Variants in DEGS1 observed in about 807,000 individuals in gnomAD.
DEGS1 encodes delta 4-desaturase, sphingolipid 1.
DEGS1 carries 17 observed loss-of-function variants against 24.1 expected under a neutral mutation model. That is an observed-to-expected ratio of 0.70 (90% CI 0.48 to 1.06). The LOEUF (loss-of-function observed/expected upper bound fraction) is 1.06. Ranked by LOEUF, DEGS1 falls within the 50% of genes least tolerant of loss-of-function variation. DEGS1 has a pLI of 0.00. For synonymous variants in DEGS1, 134 were observed against 140.0 expected, an observed-to-expected ratio of 0.96 and a Z score of 0.30; for missense variants, 366 against 408.9, an observed-to-expected ratio of 0.90 and a Z score of 0.91.
rs1658570650 is a variant in DEGS1 at position 224,192,568 on chromosome 1, A to G, written c.*90A>G. On this transcript the variant is annotated 3_prime_UTR_variant, in exon 3 of 3. Transcript: ENST00000323699. ...ATTAAACTTGAGACCAGTGATGCTC[A>G]GAAGCTCCCCTGGCACAATTTCAGA... is the stretch of plus-strand genomic sequence containing the variant. 3 of 1,281,190 alleles carry G rather than the reference A, an allele frequency of 2.3e-6. No homozygotes were observed. The African/African-American group carries it at 4.6e-5, about 19-fold the overall frequency. The allele number at this position is 1,281,190 out of a possible 1,614,324, so 79.4% of individuals were successfully genotyped here. A position where few individuals can be genotyped will look rare whatever the true frequency, so the allele number is the denominator to read the frequency against.
At chr1:224,192,193 T>C (rs892859108) in intron 2 of DEGS1, 139 bp from the exon 3 acceptor site, 2 of 359,802 alleles carry the variant, frequency 5.6e-6, no homozygotes, top group Non-Finnish European at 9.2e-6. Context: ...TGCTGCTGCT[T>C]TTTTTTTTTT....
chr1:224,184,034 G>C (rs1430987772), intron 1 of DEGS1, among the ~76,000 whole-genome samples: 1 of 152,382 alleles, frequency 6.6e-6, no homozygotes, highest in South Asian at 2.1e-4. Context: ...GACTTGATGG[G>C]CCCTGGTCGG....
At position 224,189,899 on chromosome 1, in the gene DEGS1, T is replaced by C. The variant is rs745516256; in HGVS notation, c.405T>C (p.Leu135=). The C allele has an allele frequency of 3.1e-6, 5 of 1,614,214 alleles. No individual in the cohort carries two copies. The highest frequency in any genetic ancestry group is 4.2e-6 in the Non-Finnish European group (5 of 1,180,042). Reference sequence around the variant, plus strand: ...ATCACATGGATCATCATCGGTACCTTGGAGCTGATGGCGTCGATGTAGATA... The same window carrying C: ...ATCACATGGATCATCATCGGTACCTCGGAGCTGATGGCGTCGATGTAGATA... ...KRYHMDHHRY[L]GADGVDVDIP... Residue 135 remains leucine (L), a synonymous_variant, in exon 2 of 3, where the codon CTT becomes CTC. Transcript: ENST00000323699.
chr1:224,183,433 G>T lies in DEGS1; in HGVS notation c.82+15G>T. 1.4e-6 allele frequency: 2 copies of T among 1,385,306 alleles called. No individual in the cohort carries two copies. The highest frequency in any genetic ancestry group is 4.2e-4 in the Middle Eastern group (2 of 4,754). 85.8% of individuals were successfully genotyped at this position (1,385,306 alleles called of 1,614,324 possible). On this transcript the variant is annotated intron_variant, in intron 1 of 2. Coordinates refer to ENST00000323699, the MANE Select transcript of DEGS1 (RefSeq NM_003676.4). The stretch of plus-strand genomic sequence containing the variant: ...GGAGATCCTGGGTGAGGGCCAGCGG[G>T]CGCCCCGTTATGTGCGTGCGTGGCC...
intron 1 of DEGS1, 23 bp from the exon 2 acceptor site, chr1:224,189,554 G>GT (rs747318192): frequency 1.2e-5 from 18 of 1,531,162 alleles, no homozygotes; most frequent in African/African-American, 1.4e-5. Flanking sequence ...CTTAGTTCCT[G>GT]TTTTTTTGTT....
chr1:224,187,028 G>A (rs1228884274), intron 1 of DEGS1, among the ~76,000 whole-genome samples: 1 of 152,198 alleles, frequency 6.6e-6, no homozygotes, highest in Non-Finnish European at 1.5e-5. Flanking sequence ...GTGAGGATGA[G>A]CTGGGCTGGG....
intron 1 of DEGS1, among the ~76,000 whole-genome samples, chr1:224,188,941 T>C (rs1213461189): frequency 3.3e-5 from 5 of 152,232 alleles, no homozygotes; most frequent in Admixed American, 6.5e-5. Context: ...ATAATTTTCT[T>C]ATAAATTTGG....
At chr1:224,191,806 A>C (rs1658543068) in intron 2 of DEGS1, among the ~76,000 whole-genome samples, 1 of 151,978 alleles carries the variant, frequency 6.6e-6, no homozygotes, top group Non-Finnish European at 1.5e-5. Flanking sequence ...CATATTGGTT[A>C]GGCTGGTCTC....
rs369825210 is a variant in DEGS1 at position 224,190,043 on chromosome 1, G to C, written c.549G>C (p.Thr183=). ...RPLFINPKPI[T]YLEVINTVAQ... ...TGTTCATCAACCCCAAACCAATTAC[G>C]TATCTGGAAGTTATCAATACCGTGG... Residue 183 remains threonine (T), a synonymous_variant, in exon 2 of 3, where the codon ACG becomes ACC. Coordinates refer to ENST00000323699, the MANE Select transcript of DEGS1 (RefSeq NM_003676.4). The C allele has an allele frequency of 4.3e-6, 7 of 1,613,964 alleles. No individual in the cohort carries two copies. Among genetic ancestry groups the C allele is most frequent in the Non-Finnish European group, 5.9e-6 (7 of 1,180,014 alleles).
chr1:224,183,479 C>A lies in DEGS1; in HGVS notation c.82+61C>A, dbSNP rs569564749. 45 of 1,232,224 alleles carry A rather than the reference C, an allele frequency of 3.7e-5. 1 individual carries two copies. In the South Asian group the frequency reaches 1.3e-3, roughly 35 times the overall value. 76.3% of individuals were successfully genotyped at this position (1,232,224 alleles called of 1,614,324 possible). ...TGGCCTCCCGGCGCCGGGGCGCGCTCTCCCCTCGCGGGCCCTGCGCGGTCG... is the reference window on the plus strand; with the variant it reads ...TGGCCTCCCGGCGCCGGGGCGCGCTATCCCCTCGCGGGCCCTGCGCGGTCG... On this transcript the variant is annotated intron_variant, in intron 1 of 2. Transcript: ENST00000323699.
At chr1:224,188,922 CAG>C (rs1379417448) in intron 1 of DEGS1, among the ~76,000 whole-genome samples, 1 of 152,052 alleles carries the variant, frequency 6.6e-6, no homozygotes, top group Admixed American at 6.6e-5. Flanking sequence ...GTTTTCTTAT[CAG>C]AGTTTTATAA....
In DEGS1 at chr1:224,192,919, C is replaced by T. The variant is rs193052126; in HGVS notation, c.*441C>T. The T allele has an allele frequency of 4.4e-3, 721 of 163,876 alleles. 8 individuals are homozygous for T. The highest frequency in any genetic ancestry group is 0.014 in the African/African-American group (595 of 41,570). 10.2% of individuals were successfully genotyped at this position (163,876 alleles called of 1,614,324 possible). A position where few individuals can be genotyped will look rare whatever the true frequency, so the allele number is the denominator to read the frequency against. ...AAATGCAAAAATTAGCCGGGCGTGG[C>T]GGCACATGCCTGTAATCCCAGCTAC... On this transcript the variant is annotated 3_prime_UTR_variant, in exon 3 of 3. Transcript: ENST00000323699.
chr1:224,189,698 G>T lies in DEGS1; in HGVS notation c.204G>T (p.Trp68Cys), dbSNP rs758274568. 1 of 1,614,146 alleles carries T rather than the reference G, an allele frequency of 6.2e-7. No individual in the cohort carries two copies. Among genetic ancestry groups the T allele is most frequent in the East Asian group, 2.2e-5 (1 of 44,888 alleles). The change falls in exon 2 of 3, where the codon TGG (tryptophan) becomes TGT (cysteine). Residue 68 changes from tryptophan to cysteine, a missense_variant. Coordinates refer to ENST00000323699, the MANE Select transcript of DEGS1 (RefSeq NM_003676.4). ...TAGTAAAAGACTTGGACTGGAAATG[G>T]GTCATATTTGGGGCCTATGCGTTTG... The part of the protein sequence containing the change: ...FYIVKDLDWK[W>C]VIFGAYAFGS...
chr1:224,184,863 G>A lies in DEGS1; in HGVS notation c.82+1445G>A, dbSNP rs1407174722. On this transcript the variant is annotated intron_variant, in intron 1 of 2. Transcript: ENST00000323699. ...TGTTGAGGAAACGGGGACCGGTCAC[G>A]GTAGCTCAGGCCTGTAATCCTAGCA... Among the ~76,000 whole-genome samples, 3 of 151,802 alleles carry A rather than the reference G, an allele frequency of 2.0e-5. No individual in the cohort carries two copies. In the East Asian group the frequency reaches 5.9e-4, roughly 30 times the overall value.
Position 224,192,761 on chromosome 1 carries a change from A to T in DEGS1, c.*283A>T, listed in dbSNP as rs1658577094. 3.1e-6 allele frequency: 1 copy of T among 319,834 alleles called. No individual in the cohort carries two copies. The allele number at this position is 319,834 out of a possible 1,614,324, so 19.8% of individuals were successfully genotyped here. A position where few individuals can be genotyped will look rare whatever the true frequency, so the allele number is the denominator to read the frequency against. ...AAGCATATCATTTAAAAAGCTTCTAAAAAGCTATTTCGCCAGGCACGGTGG... is the reference window on the plus strand; with the variant it reads ...AAGCATATCATTTAAAAAGCTTCTATAAAGCTATTTCGCCAGGCACGGTGG... On this transcript the variant is annotated 3_prime_UTR_variant, in exon 3 of 3. Transcript: ENST00000323699.
chr1:224,184,765 C>T (rs2102651922), intron 1 of DEGS1, among the ~76,000 whole-genome samples: 1 of 152,254 alleles, frequency 6.6e-6, no homozygotes, highest in East Asian at 1.9e-4. Flanking sequence ...ATCCGCCCGC[C>T]TTGGCCTCCC....
chr1:224,191,669 A>G (rs1346182377), intron 2 of DEGS1, among the ~76,000 whole-genome samples: 1 of 126,088 alleles, frequency 7.9e-6, no homozygotes, highest in African/African-American at 3.1e-5. Context: ...ATCTCGGCTC[A>G]CTGCAACCTC....
intron 2 of DEGS1, chr1:224,190,979 C>G (rs1658521635): frequency 1.3e-5 from 2 of 152,134 alleles, no homozygotes; most frequent in African/African-American, 4.8e-5. Context: ...GCCTCAGCCT[C>G]CCAAGTAGCT....
rs1328551220 is a variant in DEGS1, at chr1:224,189,731, C to T, written c.237C>T (p.Cys79=). 6.2e-7 allele frequency: 1 copy of T among 1,614,066 alleles called. No individual in the cohort carries two copies. Among genetic ancestry groups the T allele is most frequent in the African/African-American group, 1.3e-5 (1 of 74,918 alleles). ...VIFGAYAFGS[C]INHSMTLAIH... ...TTGGGGCCTATGCGTTTGGCAGTTG[C>T]ATTAACCACTCAATGACTCTGGCTA... Residue 79 remains cysteine, a synonymous_variant, in exon 2 of 3, where the codon TGC becomes TGT. Transcript: ENST00000323699.
Sources: allele counts gnomAD v4.1 joint callset (sites outside exome capture counted in the v4.1 genomes callset), GRCh38; gene constraint gnomAD v4.1.1; transcripts MANE v1.5; gene names NCBI Gene and HGNC (gene_info 2026-07-23, HGNC 2026-07-21).